The following KSR2 variants were observed in gnomAD, a reference collection of about 807,000 sequenced individuals.
KSR2 encodes the protein kinase suppressor of ras 2.
KSR2 carries 25 observed loss-of-function variants against 107.8 expected under a neutral mutation model. The ratio of observed to expected loss-of-function variants is 0.23; its 90% CI spans 0.17 to 0.32. The LOEUF (loss-of-function observed/expected upper bound fraction) is 0.32. Among genes scored for constraint, KSR2 ranks in the 10% least tolerant of loss-of-function variants. The probability of loss-of-function intolerance (pLI) is 1.00; values close to 1 mark genes in which losing one functional copy is unlikely to be tolerated. For synonymous variants in KSR2, 480 were observed against 507.0 expected (o/e 0.95, Z 0.71); for missense variants, 887 against 1,268.9 (o/e 0.70, Z 4.57).
At chr12:117,648,895 C>T (rs1352357679) in intron 5 of KSR2, among the ~76,000 whole-genome samples, 7 of 152,186 alleles carry the variant, frequency 4.6e-5, no homozygotes, top group South Asian at 2.1e-4. Flanking sequence ...CCAATCAGAA[C>T]ACACACCCAA....
Position 117,540,429 on chromosome 12 carries a change from G to A in KSR2, c.1519-542C>T, listed in dbSNP as rs139871817. 6.4e-3 allele frequency among the ~76,000 whole-genome samples: 982 copies of A among 152,250 alleles called. 11 individuals carry two copies. Among genetic ancestry groups the A allele is most frequent in the African/African-American group, 0.023 (935 of 41,546 alleles). On this transcript the variant is annotated intron_variant, in intron 9 of 19. Transcript: ENST00000339824. ...ATTTTCGGAATGGCCTGCTGGGGTG[G>A]ACTTCCAAGCACAGTAGTGGGTTGA...
At chr12:117,942,997 T>G (rs1285932388) in intron 1 of KSR2, among the ~76,000 whole-genome samples, 2 of 152,174 alleles carry the variant, frequency 1.3e-5, no homozygotes, top group East Asian at 3.8e-4. Flanking sequence ...GTTTTGACAC[T>G]GAAAGACATT....
intron 5 of KSR2, among the ~76,000 whole-genome samples, chr12:117,637,482 C>A (rs1242052759): frequency 6.6e-6 from 1 of 152,140 alleles, no homozygotes. Flanking sequence ...AGAAACTGAT[C>A]ACATCCAGTT....
At chr12:117,778,119 C>A (rs937750465) in intron 3 of KSR2, among the ~76,000 whole-genome samples, 4 of 152,058 alleles carry the variant, frequency 2.6e-5, no homozygotes, top group African/African-American at 7.2e-5. Flanking sequence ...TGAAACAATT[C>A]TTCTTTACTT....
At chr12:117,850,092 A>G (rs1049514037) in intron 3 of KSR2, among the ~76,000 whole-genome samples, 1 of 152,242 alleles carries the variant, frequency 6.6e-6, no homozygotes, top group African/African-American at 2.4e-5. Context: ...CAAGGAACCA[A>G]TTATTATTTT....
intron 4 of KSR2, among the ~76,000 whole-genome samples, chr12:117,703,512 G>A (rs1002992251): frequency 7.2e-5 from 11 of 152,144 alleles, no homozygotes; most frequent in African/African-American, 2.7e-4. Context: ...TATGAAGACT[G>A]CAGGCTAGAA....
intron 13 of KSR2, among the ~76,000 whole-genome samples, chr12:117,526,298 C>A (rs1875160224): frequency 6.6e-6 from 1 of 152,032 alleles, no homozygotes; most frequent in African/African-American, 2.4e-5. Context: ...TGCTTGGGGG[C>A]GAATTGCCTC....
At chr12:117,623,069 C>T (rs371910437) in intron 5 of KSR2, among the ~76,000 whole-genome samples, 1 of 152,162 alleles carries the variant, frequency 6.6e-6, no homozygotes, top group South Asian at 2.1e-4. Flanking sequence ...GAGGAAGCTA[C>T]CCCACCTCTT....
At chr12:117,964,595 T>G in intron 1 of KSR2, among the ~76,000 whole-genome samples, 1 of 152,320 alleles carries the variant, frequency 6.6e-6, no homozygotes, top group East Asian at 1.9e-4. Flanking sequence ...GTCAACACCA[T>G]GTAATGCCAA....
rs1232747776 is a variant in KSR2, at chr12:117,530,931, T to A, written c.1802+10A>T. On this transcript the variant is annotated intron_variant, in intron 12 of 19. Coordinates refer to ENST00000339824, the MANE Select transcript of KSR2 (RefSeq NM_173598.6). ...TTGGGAAAGGGGGAAGATGTCTCTG[T>A]CTCACTTACATTGGATTCGAGGTCA... 6.2e-7 allele frequency: 1 copy of A among 1,612,988 alleles called. No homozygotes were observed. Among genetic ancestry groups the A allele is most frequent in the Non-Finnish European group, 8.5e-7 (1 of 1,179,208 alleles).
At chr12:117,816,657 G>A (rs564655298) in intron 3 of KSR2, among the ~76,000 whole-genome samples, 15 of 152,212 alleles carry the variant, frequency 9.9e-5, no homozygotes, top group Admixed American at 3.9e-4. Flanking sequence ...CTAGAAACCC[G>A]TGTCATCCTT....
At chr12:117,860,486 AAG>A in intron 1 of KSR2, 55 bp from the exon 2 acceptor site, 2 of 1,526,306 alleles carry the variant, frequency 1.3e-6, no homozygotes, top group Middle Eastern at 3.4e-4. Flanking sequence ...TGACACAAGG[AAG>A]AGAGGCGAGA....
At chr12:117,724,574 ACCTGCCC>A (rs368072134) in intron 4 of KSR2, among the ~76,000 whole-genome samples, 58,425 of 151,380 alleles carry the variant, frequency 0.39, 11,470 homozygotes, top group Middle Eastern at 0.5. Context: ...CAGCAAAAAA[ACCTGCCC>A]CCCCACCCCC....
chr12:117,585,693 C>T (rs986985753), intron 5 of KSR2, among the ~76,000 whole-genome samples: 4 of 152,126 alleles, frequency 2.6e-5, no homozygotes, highest in Non-Finnish European at 4.4e-5. Flanking sequence ...AGAAGGCAAA[C>T]GACATTTACA....
chr12:117,471,416 G>A (rs921576161), intron 17 of KSR2, 96 bp from the exon 18 acceptor site: 1 of 1,367,920 alleles, frequency 7.3e-7, no homozygotes, highest in African/African-American at 1.5e-5. Context: ...CCAGTCTCCT[G>A]GCACCCATTC....
intron 3 of KSR2, among the ~76,000 whole-genome samples, chr12:117,854,828 G>A (rs968932570): frequency 1.3e-5 from 2 of 151,700 alleles, no homozygotes; most frequent in African/African-American, 4.8e-5. Flanking sequence ...CAATATATTT[G>A]GCCCCCAAAC....
intron 5 of KSR2, among the ~76,000 whole-genome samples, chr12:117,657,453 A>T (rs1013118951): frequency 4.6e-5 from 7 of 152,226 alleles, no homozygotes; most frequent in Non-Finnish European, 2.9e-5. Flanking sequence ...AGGTTGGGTT[A>T]CCTGTCACTT....
intron 3 of KSR2, among the ~76,000 whole-genome samples, chr12:117,817,311 G>C (rs549074667): frequency 3.3e-5 from 5 of 152,176 alleles, no homozygotes; most frequent in Admixed American, 2.0e-4. Flanking sequence ...AACTTCATTA[G>C]ACTCTGAGTG....
intron 4 of KSR2, among the ~76,000 whole-genome samples, chr12:117,706,888 G>A (rs961979684): frequency 4.6e-5 from 7 of 152,084 alleles, no homozygotes; most frequent in African/African-American, 1.7e-4. Flanking sequence ...GGAAAAATAT[G>A]TCCACACAAA....
Sources: gnomAD v4.1 joint callset for allele counts (sites outside exome capture counted in the v4.1 genomes callset) on GRCh38, gnomAD v4.1.1 for gene constraint, MANE v1.5 for transcripts, NCBI Gene and HGNC (gene_info 2026-07-23, HGNC 2026-07-21) for gene names.